Variants in CABCOCO1 observed in about 807,000 individuals in gnomAD.
CABCOCO1 encodes the protein ciliary associated calcium binding coiled-coil 1.
Under a neutral mutation model 35.7 loss-of-function variants are expected in CABCOCO1, and 28 were observed. That is an observed-to-expected ratio of 0.78 (90% CI 0.58 to 1.07). CABCOCO1 has a LOEUF of 1.07. Ranked by LOEUF, CABCOCO1 falls within the 50% of genes least tolerant of loss-of-function variation. The pLI, the probability that CABCOCO1 is intolerant of heterozygous loss-of-function variation, is 0.00. For synonymous variants in CABCOCO1, 95 were observed against 100.1 expected (o/e 0.95, Z 0.30); for missense variants, 326 against 309.2 (o/e 1.05, Z -0.41).
At chr10:61,762,837 A>T (rs1234414651) in intron 7 of CABCOCO1, among the ~76,000 whole-genome samples, 1 of 152,038 alleles carries the variant, frequency 6.6e-6, no homozygotes, top group Non-Finnish European at 1.5e-5. Context: ...ACTACTCTGG[A>T]TTTTAATACT....
intron 5 of CABCOCO1, among the ~76,000 whole-genome samples, chr10:61,700,562 A>C (rs995001459): frequency 8.5e-5 from 13 of 152,124 alleles, no homozygotes; most frequent in African/African-American, 3.1e-4. Flanking sequence ...AAGAATGTAC[A>C]TTGTTAAACT....
intron 5 of CABCOCO1, among the ~76,000 whole-genome samples, chr10:61,717,555 C>A (rs1589138113): frequency 6.6e-6 from 1 of 151,798 alleles, no homozygotes; most frequent in African/African-American, 2.4e-5. Flanking sequence ...ATTTAACAAC[C>A]AAAAAGTATT....
At chr10:61,720,148 C>T (rs1174713983) in intron 5 of CABCOCO1, among the ~76,000 whole-genome samples, 1 of 151,866 alleles carries the variant, frequency 6.6e-6, no homozygotes, top group East Asian at 1.9e-4. Flanking sequence ...ACAAAAGGAA[C>T]CACTGTTCTA....
At chr10:61,691,547 G>T (rs1840141360) in intron 5 of CABCOCO1, among the ~76,000 whole-genome samples, 1 of 151,996 alleles carries the variant, frequency 6.6e-6, no homozygotes, top group African/African-American at 2.4e-5. Flanking sequence ...AGAACGTGCA[G>T]GTTTGTTACA....
At chr10:61,705,349 G>A (rs533602729) in intron 5 of CABCOCO1, among the ~76,000 whole-genome samples, 13 of 152,180 alleles carry the variant, frequency 8.5e-5, no homozygotes, top group Non-Finnish European at 1.3e-4. Flanking sequence ...TGCATTTCCA[G>A]GTCAGTGTCT....
At chr10:61,706,549 T>C (rs1180763040) in intron 5 of CABCOCO1, among the ~76,000 whole-genome samples, 9 of 152,168 alleles carry the variant, frequency 5.9e-5, no homozygotes, top group African/African-American at 1.9e-4. Flanking sequence ...CATAGCTGCT[T>C]CCCAAATGCG....
chr10:61,737,342 A>G (rs893226003), intron 5 of CABCOCO1, among the ~76,000 whole-genome samples: 2 of 152,140 alleles, frequency 1.3e-5, no homozygotes, highest in Middle Eastern at 3.2e-3. Context: ...ACCCCTCTAC[A>G]CTGTTGGTGG....
At chr10:61,746,617 T>G in intron 5 of CABCOCO1, among the ~76,000 whole-genome samples, 1 of 152,150 alleles carries the variant, frequency 6.6e-6, no homozygotes. Flanking sequence ...CAATCAGTAA[T>G]TTCCATCTTG....
At chr10:61,682,459 T>C (rs1043723014) in intron 3 of CABCOCO1, among the ~76,000 whole-genome samples, 2 of 152,160 alleles carry the variant, frequency 1.3e-5, no homozygotes, top group African/African-American at 4.8e-5. Flanking sequence ...GTGAAGTATG[T>C]TTACACTTCA....
intron 5 of CABCOCO1, among the ~76,000 whole-genome samples, chr10:61,746,302 T>C (rs1019406862): frequency 1.2e-4 from 18 of 152,226 alleles, no homozygotes; most frequent in African/African-American, 4.3e-4. Flanking sequence ...TGTGATTCAT[T>C]GCCACCTAGT....
intron 5 of CABCOCO1, among the ~76,000 whole-genome samples, chr10:61,710,799 T>C (rs1262997609): frequency 2.0e-5 from 3 of 151,788 alleles, no homozygotes; most frequent in Non-Finnish European, 4.4e-5. Context: ...TATGAGCATG[T>C]CAAGGTGGCC....
intron 5 of CABCOCO1, among the ~76,000 whole-genome samples, chr10:61,708,085 A>G (rs566098442): frequency 6.6e-6 from 1 of 151,672 alleles, no homozygotes; most frequent in Non-Finnish European, 1.5e-5. Context: ...TTCCTCTCTC[A>G]TTGGCATTTG....
rs117707955 is a variant in CABCOCO1 at position 61,669,408 on chromosome 10, A to T, written c.61-3224A>T. 8.3e-3 allele frequency among the ~76,000 whole-genome samples: 1,255 copies of T among 152,116 alleles called. 5 individuals carry two copies. The highest frequency in any genetic ancestry group is 0.015 in the Non-Finnish European group (1,007 of 67,888). Reference sequence around the variant, plus strand: ...AGCTTACATATTTTCCTAGTTGGAGATGTAATTTTACAGAGAAAGCCACAA... The same window carrying T: ...AGCTTACATATTTTCCTAGTTGGAGTTGTAATTTTACAGAGAAAGCCACAA... On this transcript the variant is annotated intron_variant, in intron 1 of 7. Coordinates refer to ENST00000648843, the MANE Select transcript of CABCOCO1 (RefSeq NM_001366906.2).
intron 7 of CABCOCO1, among the ~76,000 whole-genome samples, chr10:61,763,007 C>A (rs1444433987): frequency 1.3e-5 from 2 of 152,078 alleles, no homozygotes; most frequent in African/African-American, 4.8e-5. Context: ...GCTCTAAGAA[C>A]TGCCATATCC....
intron 2 of CABCOCO1, 111 bp downstream of exon 2, chr10:61,672,846 A>T: frequency 1.4e-6 from 1 of 722,714 alleles, no homozygotes; most frequent in Non-Finnish European, 1.7e-6. Context: ...TTATGATATT[A>T]TGCACTGAAA....
chr10:61,680,535 T>TAA (rs1839706138), intron 2 of CABCOCO1, among the ~76,000 whole-genome samples: 1 of 60,124 alleles, frequency 1.7e-5, no homozygotes, highest in Non-Finnish European at 5.6e-5. Context: ...ATATGTTATA[T>TAA]TATGTTATAT....
intron 1 of CABCOCO1, among the ~76,000 whole-genome samples, chr10:61,666,667 CT>C: frequency 2.6e-5 from 4 of 151,914 alleles, no homozygotes; most frequent in African/African-American, 9.7e-5. Flanking sequence ...TTTTATTTTA[CT>C]ATAGTTTGGT....
Position 61,744,667 on chromosome 10 carries a change from C to A in CABCOCO1, c.553-15392C>A, listed in dbSNP as rs187338913. On this transcript the variant is annotated intron_variant, in intron 5 of 7. Coordinates refer to ENST00000648843, the MANE Select transcript of CABCOCO1 (RefSeq NM_001366906.2). Reference sequence around the variant, plus strand: ...ACACCTATGTTGGCTGGCATATCAGCCCTCCTCACACTAGGAGGTGCTAGA... The same window carrying A: ...ACACCTATGTTGGCTGGCATATCAGACCTCCTCACACTAGGAGGTGCTAGA... Among the ~76,000 whole-genome samples, 4 of 152,192 alleles carry A rather than the reference C, an allele frequency of 2.6e-5. No homozygotes were observed. The East Asian group carries it at 7.7e-4, about 29-fold the overall frequency.
At chr10:61,692,784 G>A (rs1840187951) in intron 5 of CABCOCO1, among the ~76,000 whole-genome samples, 3 of 152,142 alleles carry the variant, frequency 2.0e-5, no homozygotes. Context: ...TCCTCATACT[G>A]TAGCTTAAAT....
Sources: allele counts gnomAD v4.1 joint callset (sites outside exome capture counted in the v4.1 genomes callset), GRCh38; gene constraint gnomAD v4.1.1; transcripts MANE v1.5; gene names NCBI Gene and HGNC (gene_info 2026-07-23, HGNC 2026-07-21).